LRRC37B: variants seen among roughly 807,000 people sequenced by gnomAD.
LRRC37B encodes the protein leucine rich repeat containing 37B.
A neutral mutation model predicts 98.3 loss-of-function variants in LRRC37B; 28 were observed. That is an observed-to-expected ratio of 0.28 (90% CI 0.21 to 0.39). The LOEUF (loss-of-function observed/expected upper bound fraction) is 0.39, where lower values mean the gene tolerates loss of function less well. LRRC37B is among the 10% of genes least tolerant of loss of function. LRRC37B has a pLI of 1.00. For missense variants in LRRC37B, 938 were observed against 1,182.7 expected (o/e 0.79, Z 3.03); for synonymous variants, 364 against 442.7 (o/e 0.82, Z 2.23).
At chr17:32,051,223 TG>T (rs1235296511) in intron 11 of LRRC37B, 1 of 152,338 alleles carries the variant, frequency 6.6e-6, no homozygotes, top group Non-Finnish European at 1.5e-5. Flanking sequence ...GGCTCACGCC[TG>T]TAATCCCAGC....
intron 8 of LRRC37B, 198 bp from the exon 12 acceptor site, chr17:32,047,563 G>A (rs1311902064): frequency 1.5e-6 from 1 of 689,130 alleles, no homozygotes; most frequent in Non-Finnish European, 2.4e-6. Flanking sequence ...AATGTTCCAA[G>A]TAGGTGGCCA....
chr17:32,045,362 T>C (rs1911543420), intron 7 of LRRC37B: 1 of 208,064 alleles, frequency 4.8e-6, no homozygotes, highest in Non-Finnish European at 9.8e-6. Flanking sequence ...TTATTCAGAC[T>C]CTTCTTAGAA....
At chr17:32,007,758 C>G, upstream of LRRC37B, 1 of 1,193,310 alleles carries the variant, frequency 8.4e-7, no homozygotes, top group Non-Finnish European at 1.0e-6. The surrounding 1 kb of genome is among the most constrained non-coding windows in gnomAD (Gnocchi z 4.1). Context: ...GGTGGGCAGC[C>G]GCCAGGCTGA....
At chr17:32,012,815 G>A (rs187618637) in intron 1 of LRRC37B, among the ~76,000 whole-genome samples, 1 of 152,084 alleles carries the variant, frequency 6.6e-6, no homozygotes, top group Non-Finnish European at 1.5e-5. Context: ...TCAGGAGTTC[G>A]AGACCAACCT....
In LRRC37B at chr17:32,012,609, A is replaced by G. The variant is rs185791278; in HGVS notation, c.-191+4477A>G. Among the ~76,000 whole-genome samples the G allele has an allele frequency of 5.9e-3, 899 of 152,200 alleles. 7 individuals are homozygous for G. Among genetic ancestry groups the G allele is most frequent in the Non-Finnish European group, 7.4e-3 (506 of 67,996 alleles). ...CACACGTCTGTAGTCCCAGCTACTT[A>G]GAAGGTTGAGGCAAGAGAATCACTG... On this transcript the variant is annotated intron_variant, in intron 1 of 14. Transcript: ENST00000543378.
intron 5 of LRRC37B, among the ~76,000 whole-genome samples, chr17:32,034,642 C>A (rs376519022): frequency 4.7e-4 from 71 of 151,212 alleles, no homozygotes; most frequent in African/African-American, 1.6e-3. Flanking sequence ...CTGAAAAGTT[C>A]TGTGGCATAT....
upstream of LRRC37B, chr17:32,007,873 G>T: frequency 9.4e-7 from 1 of 1,064,390 alleles, no homozygotes; most frequent in Non-Finnish European, 1.2e-6. This position sits in a 1 kb window ranked among gnomAD's most constrained non-coding sequence, Gnocchi z 4.1. Flanking sequence ...CACGGGCCCG[G>T]CGGGGGCGCG....
At chr17:32,021,686 A>C (rs1194645107) in exon 1 of LRRC37B, 2 of 1,614,142 alleles carry the variant, frequency 1.2e-6, no homozygotes, top group Admixed American at 1.7e-5. Flanking sequence ...GTAAGGTTTC[A>C]AGACCAACCA....
upstream of LRRC37B, chr17:32,007,884 G>C: frequency 9.7e-7 from 1 of 1,028,698 alleles, no homozygotes; most frequent in Non-Finnish European, 1.2e-6. This position sits in a 1 kb window ranked among gnomAD's most constrained non-coding sequence, Gnocchi z 4.1. Context: ...CGGGGGCGCG[G>C]GGGCAGCCAC....
chr17:32,020,676 T>C, upstream of LRRC37B: 1 of 346,144 alleles, frequency 2.9e-6, no homozygotes, highest in South Asian at 1.0e-4. Flanking sequence ...CCTGCCACCC[T>C]AACTGGCGCC....
At chr17:32,032,718 G>C (rs1227675304) in intron 5 of LRRC37B, among the ~76,000 whole-genome samples, 1 of 152,138 alleles carries the variant, frequency 6.6e-6, no homozygotes, top group East Asian at 1.9e-4. Flanking sequence ...GCTTAACTTA[G>C]GGAAGACACA....
Position 32,027,297 on chromosome 17 carries a change from G to A in LRRC37B, c.1833-472G>A, listed in dbSNP as rs574112311. Among the ~76,000 whole-genome samples, 3 of 152,226 alleles carry A rather than the reference G, an allele frequency of 2.0e-5. 1 individual carries two copies. The highest frequency in any genetic ancestry group is 7.2e-5 in the African/African-American group (3 of 41,528). On this transcript the variant is annotated intron_variant, in intron 2 of 11. Coordinates refer to ENST00000327564, the Ensembl canonical transcript of LRRC37B. ...GAGTCATTAAAGATACAATTTGGTG[G>A]GAAGAGTGGAGCAGTGTGCTTGTGT...
exon 1 of LRRC37B, chr17:32,022,014 C>A: frequency 6.2e-7 from 1 of 1,614,016 alleles, no homozygotes; most frequent in Non-Finnish European, 8.5e-7. Flanking sequence ...GCAGCTTCTA[C>A]AGCTCCCTCA....
intron 7 of LRRC37B, among the ~76,000 whole-genome samples, chr17:32,038,962 G>A (rs1390059917): frequency 1.3e-5 from 2 of 152,128 alleles, no homozygotes; most frequent in African/African-American, 2.4e-5. Flanking sequence ...TATATGGCTT[G>A]TGCTTTTTTG....
intron 7 of LRRC37B, chr17:32,041,099 C>T: frequency 1.3e-6 from 1 of 766,980 alleles, no homozygotes; most frequent in South Asian, 1.4e-5. Context: ...TGAACTACCA[C>T]TGGCAGGCCA....
upstream of LRRC37B, chr17:32,007,895 C>T (rs1910446807): frequency 1.1e-6 from 1 of 888,132 alleles, no homozygotes; most frequent in Non-Finnish European, 1.4e-6. This position sits in a 1 kb window ranked among gnomAD's most constrained non-coding sequence, Gnocchi z 4.1. Context: ...GGGCAGCCAC[C>T]TAGCCCGGAC....
At chr17:32,024,655 T>G in intron 1 of LRRC37B, 56 bp from the exon 5 acceptor site, 1 of 1,605,520 alleles carries the variant, frequency 6.2e-7, no homozygotes, top group Non-Finnish European at 8.5e-7. Flanking sequence ...TTCTTTTATT[T>G]ATCCTGTTCA....
chr17:32,035,507 T>C, intron 6 of LRRC37B, 58 bp from the exon 10 acceptor site: 1 of 1,525,074 alleles, frequency 6.6e-7, no homozygotes, highest in Non-Finnish European at 9.0e-7. Flanking sequence ...AATTATCTTT[T>C]GAAGTACAGA....
intron 1 of LRRC37B, among the ~76,000 whole-genome samples, chr17:32,014,415 C>T (rs1346906559): frequency 6.6e-6 from 1 of 151,882 alleles, no homozygotes; most frequent in Non-Finnish European, 1.5e-5. Context: ...TACCCTTCAA[C>T]AATTAAGGCA....
Sources: gnomAD v4.1 joint callset for allele counts (sites outside exome capture counted in the v4.1 genomes callset) on GRCh38, gnomAD v4.1.1 for gene constraint, Gnocchi (gnomAD v3.1) non-coding constraint, MANE v1.5 for transcripts, NCBI Gene and HGNC (gene_info 2026-07-23, HGNC 2026-07-21) for gene names.